Variants in GOT1 observed in about 807,000 individuals in gnomAD.
The protein encoded by GOT1 is aspartate aminotransferase, cytoplasmic.
Under a neutral mutation model 48.2 loss-of-function variants are expected in GOT1, and 25 were observed. The ratio of observed to expected loss-of-function variants is 0.52; its 90% CI spans 0.38 to 0.72. GOT1 has a LOEUF of 0.72. GOT1 is among the 30% of genes least tolerant of loss of function. GOT1 has a pLI of 0.00. For missense variants in GOT1, 380 were observed against 520.1 expected (o/e 0.73, Z 2.62); for synonymous variants, 188 against 193.8 (o/e 0.97, Z 0.25).
chr10:99,410,554 C>T (rs1015594406), intron 2 of GOT1, among the ~76,000 whole-genome samples: 4 of 152,134 alleles, frequency 2.6e-5, no homozygotes, highest in Non-Finnish European at 5.9e-5. Context: ...TTAACTAATC[C>T]TTGACATTCA....
At position 99,420,622 on chromosome 10, in the gene GOT1, A is replaced by T; in HGVS notation, c.300+2T>A. 1.2e-6 allele frequency: 2 copies of T among 1,604,292 alleles called. No individual in the cohort carries two copies. On this transcript the variant is annotated splice_donor_variant, in intron 2 of 8. Transcript: ENST00000370508. LOFTEE classifies it high-confidence loss of function. ...GAAAATACATCCTTACCCAAAACTT[A>T]CCCGCTTCTCCTTGAGTGCTGGGCT...
At chr10:99,421,825 C>T (rs1223182116) in intron 1 of GOT1, among the ~76,000 whole-genome samples, 2 of 151,938 alleles carry the variant, frequency 1.3e-5, no homozygotes, top group South Asian at 2.1e-4. Flanking sequence ...TAGAGTGATA[C>T]TGATTTTTAT....
chr10:99,403,442 C>T (rs755645560), intron 7 of GOT1, 27 bp downstream of exon 7: 21 of 1,587,290 alleles, frequency 1.3e-5, no homozygotes, highest in Admixed American at 3.4e-5. Context: ...CCCCACCCCC[C>T]GGCCCACCAG....
chr10:99,430,530 C>T lies in GOT1; in HGVS notation c.36G>A (p.Gln12=). The change falls in exon 1 of 9, where the codon CAG becomes CAA. Residue 12 remains glutamine, a synonymous_variant. Transcript: ENST00000370508. ...GCTTGAAGACCAGGACAGGCTGGGCCTGCGGAACCTCGGCAAAGACTGACG... is the reference window on the plus strand; with the variant it reads ...GCTTGAAGACCAGGACAGGCTGGGCTTGCGGAACCTCGGCAAAGACTGACG... ...APPSVFAEVP[Q]AQPVLVFKLT... The T allele has an allele frequency of 6.2e-7, 1 of 1,609,106 alleles. No homozygotes were observed. The highest frequency in any genetic ancestry group is 8.5e-7 in the Non-Finnish European group (1 of 1,177,210).
chr10:99,423,628 C>T (rs1293985467), intron 1 of GOT1, among the ~76,000 whole-genome samples: 2 of 152,110 alleles, frequency 1.3e-5, no homozygotes, highest in African/African-American at 4.8e-5. Context: ...TACCCTCCGG[C>T]TCTGGTGAAT....
intron 8 of GOT1, among the ~76,000 whole-genome samples, chr10:99,398,159 A>T (rs1034280591): frequency 6.6e-6 from 1 of 152,176 alleles, no homozygotes; most frequent in Middle Eastern, 3.2e-3. Flanking sequence ...TACCTGATCA[A>T]TCCTGTGTGA....
chr10:99,408,038 A>G (rs2032783919), intron 2 of GOT1, among the ~76,000 whole-genome samples: 1 of 151,592 alleles, frequency 6.6e-6, no homozygotes. Context: ...TTCAGCTCCC[A>G]CTTTTAAGTG....
chr10:99,407,762 T>C (rs1257392628), intron 2 of GOT1, among the ~76,000 whole-genome samples: 2 of 148,936 alleles, frequency 1.3e-5, no homozygotes, highest in Admixed American at 6.9e-5. Context: ...TGACCTAACA[T>C]AGGCAATAAT....
At chr10:99,411,302 A>C (rs980351539) in intron 2 of GOT1, among the ~76,000 whole-genome samples, 9 of 152,336 alleles carry the variant, frequency 5.9e-5, no homozygotes, top group African/African-American at 1.9e-4. Flanking sequence ...AGAGATGAAA[A>C]ATCGACATTT....
chr10:99,430,328 G>A (rs1445494793), intron 1 of GOT1, 120 bp downstream of exon 1: 10 of 1,602,236 alleles, frequency 6.2e-6, no homozygotes, highest in Admixed American at 3.3e-5. Context: ...CCTCCTCTCC[G>A]GCGCCGCCCT....
chr10:99,397,526 T>C lies in GOT1; in HGVS notation c.*21A>G. On this transcript the variant is annotated 3_prime_UTR_variant, in exon 9 of 9. Coordinates refer to ENST00000370508, the MANE Select transcript of GOT1 (RefSeq NM_002079.3). This position sits in a 1 kb window ranked among gnomAD's most constrained non-coding sequence, Gnocchi z 5.4. The stretch of plus-strand genomic sequence containing the variant: ...ACATGACAGAGAACTACTTTGGTGG[T>C]ACTGGACGGGTGGTGTTTCTTCACT... The C allele has an allele frequency of 6.2e-7, 1 of 1,612,656 alleles. No homozygotes were observed. Among genetic ancestry groups the C allele is most frequent in the East Asian group, 2.2e-5 (1 of 44,874 alleles).
intron 1 of GOT1, among the ~76,000 whole-genome samples, chr10:99,427,515 C>T (rs1247959671): frequency 6.6e-6 from 1 of 152,166 alleles, no homozygotes; most frequent in Admixed American, 6.5e-5. Context: ...GTGATCCGCC[C>T]GCCTCGGCCT....
chr10:99,409,118 GTTTTTTTTGTGT>G (rs1408802319), intron 2 of GOT1, among the ~76,000 whole-genome samples: 1 of 149,312 alleles, frequency 6.7e-6, no homozygotes, highest in African/African-American at 2.5e-5. Flanking sequence ...TAATAAAAAG[GTTTTTTTTGTGT>G]TTTTTTTTTG....
chr10:99,415,587 T>A (rs1355685738), intron 2 of GOT1, among the ~76,000 whole-genome samples: 1 of 152,208 alleles, frequency 6.6e-6, no homozygotes, highest in East Asian at 1.9e-4. Context: ...CCCTAACTCA[T>A]TTTATGAGGC....
chr10:99,429,113 G>T (rs570191665), intron 1 of GOT1, among the ~76,000 whole-genome samples: 3 of 151,214 alleles, frequency 2.0e-5, no homozygotes, highest in Admixed American at 6.6e-5. Context: ...GCAATGGCAC[G>T]ATCTCGGCTC....
chr10:99,418,862 T>C (rs1460781530), intron 2 of GOT1, among the ~76,000 whole-genome samples: 1 of 152,176 alleles, frequency 6.6e-6, no homozygotes, highest in Non-Finnish European at 1.5e-5. Context: ...ACACTGGATT[T>C]TCAGAAAAAC....
intron 2 of GOT1, among the ~76,000 whole-genome samples, chr10:99,417,810 C>A (rs1359799865): frequency 6.6e-6 from 1 of 152,160 alleles, no homozygotes; most frequent in East Asian, 1.9e-4. Context: ...GGACAAAAAA[C>A]CAAATGCTGC....
At chr10:99,411,142 G>A (rs2032823493) in intron 2 of GOT1, among the ~76,000 whole-genome samples, 1 of 152,234 alleles carries the variant, frequency 6.6e-6, no homozygotes, top group Admixed American at 6.5e-5. Flanking sequence ...GAAGACAGTG[G>A]TGAAAAGATC....
At chr10:99,412,943 T>A (rs1271006110) in intron 2 of GOT1, among the ~76,000 whole-genome samples, 1 of 152,166 alleles carries the variant, frequency 6.6e-6, no homozygotes. Flanking sequence ...AAAACCCATC[T>A]GTACATCATC....
Sources: allele counts gnomAD v4.1 joint callset (sites outside exome capture counted in the v4.1 genomes callset), GRCh38; gene constraint gnomAD v4.1.1; non-coding constraint Gnocchi (gnomAD v3.1); transcripts MANE v1.5; gene names NCBI Gene and HGNC (gene_info 2026-07-23, HGNC 2026-07-21).